ZNF276: variants seen among roughly 807,000 people sequenced by gnomAD.
The protein encoded by ZNF276 is zinc finger protein 276, also known as centromere protein Z.
In ZNF276, 59 loss-of-function variants were observed where a neutral mutation model predicts 63.9. The ratio of observed to expected loss-of-function variants is 0.92; its 90% CI spans 0.75 to 1.15. ZNF276 has a LOEUF of 1.15. Among genes scored for constraint, ZNF276 ranks in the 50% most tolerant of loss-of-function variants. ZNF276 has a pLI of 0.00. For synonymous variants in ZNF276, 496 were observed against 348.4 expected (o/e 1.42, Z -4.72); for missense variants, 1,084 against 843.8 (o/e 1.28, Z -3.53).
chr16:89,732,777 C>A, intron 6 of ZNF276: 1 of 218,658 alleles, frequency 4.6e-6, no homozygotes, highest in Non-Finnish European at 9.5e-6. Context: ...TGTGTTCACC[C>A]TGACCCTGCT....
rs771288582 is a variant in ZNF276 at position 89,723,648 on chromosome 16, C to G, written c.945C>G (p.Asp315Glu). Reference protein sequence around the residue: ...TDVAQPPSDSDAVGPRSGFPP... With the variant: ...TDVAQPPSDSEAVGPRSGFPP... ...TGGCCCAGCCTCCTTCGGACAGCGA[C>G]GCGGTGGGGCCCAGGTCGGGCTTCC... Residue 315 changes from aspartate (D) to glutamate (E), a missense_variant, in exon 4 of 11, where the codon GAC (aspartate) becomes GAG (glutamate). Physicochemically the swap from Asp to Glu is conservative, Grantham distance 45 (BLOSUM62 2). Transcript: ENST00000443381. The G allele has an allele frequency of 2.5e-6, 4 of 1,612,492 alleles. No homozygotes were observed. The highest frequency in any genetic ancestry group is 2.7e-5 in the African/African-American group (2 of 74,952).
chr16:89,721,609 C>A lies in ZNF276; in HGVS notation c.-32C>A. On this transcript the variant is annotated 5_prime_UTR_variant, in exon 1 of 11. Transcript: ENST00000443381. ...TCTAGGAACCTCGGGCCGGGCAGCACCCGCGGGATTCTGCTGGCGTCCTCC... is the reference window on the plus strand; with the variant it reads ...TCTAGGAACCTCGGGCCGGGCAGCAACCGCGGGATTCTGCTGGCGTCCTCC... 6.8e-7 allele frequency: 1 copy of A among 1,473,466 alleles called. No homozygotes were observed. The highest frequency in any genetic ancestry group is 8.9e-7 in the Non-Finnish European group (1 of 1,117,564). The allele number at this position is 1,473,466 out of a possible 1,614,324, so 91.3% of individuals were successfully genotyped here. A position where few individuals can be genotyped will look rare whatever the true frequency, so the allele number is the denominator to read the frequency against.
chr16:89,735,516 T>C (rs1055653019), intron 9 of ZNF276, among the ~76,000 whole-genome samples: 1 of 151,802 alleles, frequency 6.6e-6, no homozygotes, highest in Non-Finnish European at 1.5e-5. Context: ...CTTCCTTGGG[T>C]TTGGTCCTTC....
rs1379646258 is a variant in ZNF276, at chr16:89,722,786, T to G, written c.461T>G (p.Leu154Arg). The change falls in exon 2 of 11, where the codon CTG (leucine) becomes CGG (arginine). Residue 154 changes from leucine (L) to arginine (R), a missense_variant. Coordinates refer to ENST00000443381, the MANE Select transcript of ZNF276 (RefSeq NM_001113525.2). ...TGCCACAGCCTTCTCAAGTCCTTCC[T>G]GCAGAGGGTCAACGCCTCCCCGGCT... The part of the protein sequence containing the change: ...YQCHSLLKSF[L>R]QRVNASPAGR... The G allele has an allele frequency of 1.9e-6, 3 of 1,608,426 alleles. No homozygotes were observed. In the African/African-American group the frequency reaches 4.0e-5, roughly 21 times the overall value.
Position 89,733,973 on chromosome 16 carries a change from C to G in ZNF276, c.1409C>G (p.Pro470Arg). The G allele has an allele frequency of 6.2e-7, 1 of 1,614,084 alleles. No homozygotes were observed. The highest frequency in any genetic ancestry group is 8.5e-7 in the Non-Finnish European group (1 of 1,180,022). The change falls in exon 9 of 11, where the codon CCT becomes CGT. Residue 470 changes from proline (P) to arginine (R), a missense_variant. Pro to Arg is a moderately radical substitution (Grantham distance 103). Coordinates refer to ENST00000443381, the MANE Select transcript of ZNF276 (RefSeq NM_001113525.2). ...EEVRERPCPH[P>R]GCNKVFMIDR... is the part of the protein sequence containing the mutation. Reference sequence around the variant, plus strand: ...GTCCGGGAGCGGCCCTGCCCCCACCCTGGCTGCAACAAGGTTTTCATGATC... The same window carrying G: ...GTCCGGGAGCGGCCCTGCCCCCACCGTGGCTGCAACAAGGTTTTCATGATC...
intron 8 of ZNF276, 51 bp downstream of exon 8, chr16:89,733,608 T>G: frequency 6.3e-7 from 1 of 1,597,802 alleles, no homozygotes; most frequent in Non-Finnish European, 8.6e-7. Flanking sequence ...AGTGTGAACC[T>G]GGGGGAGGTA....
chr16:89,738,620 T>C lies in ZNF276; in HGVS notation c.*374T>C, dbSNP rs757549007. 2 of 1,613,590 alleles carry C rather than the reference T, an allele frequency of 1.2e-6. No homozygotes were observed. The highest frequency in any genetic ancestry group is 2.2e-5 in the South Asian group (2 of 91,062). ...GTCCCGTCAGAAGAGATGAGGCTCC[T>C]GGGACAGGTCAGCGTCAGGGGCAGC... On this transcript the variant is annotated 3_prime_UTR_variant, in exon 11 of 11. Transcript: ENST00000443381.
chr16:89,733,652 C>T, intron 8 of ZNF276, 95 bp downstream of exon 8: 2 of 1,405,898 alleles, frequency 1.4e-6, no homozygotes, highest in Non-Finnish European at 2.0e-6. Context: ...CAGACTTGCG[C>T]CCAAGGACAC....
chr16:89,726,586 C>G (rs1368768970), intron 4 of ZNF276, among the ~76,000 whole-genome samples: 3 of 152,154 alleles, frequency 2.0e-5, no homozygotes, highest in African/African-American at 7.2e-5. Flanking sequence ...CCGCGTCAGC[C>G]TCCCAAAGTG....
At chr16:89,736,187 G>C (rs1038117016) in intron 9 of ZNF276, among the ~76,000 whole-genome samples, 1 of 152,098 alleles carries the variant, frequency 6.6e-6, no homozygotes, top group Non-Finnish European at 1.5e-5. Flanking sequence ...CATGACGCCT[G>C]GGTAATTTTT....
At chr16:89,725,048 G>C (rs867564413) in intron 4 of ZNF276, among the ~76,000 whole-genome samples, 1 of 152,304 alleles carries the variant, frequency 6.6e-6, no homozygotes, top group African/African-American at 2.4e-5. Flanking sequence ...CGAGTAGCTG[G>C]GATGACAGGC....
Position 89,728,689 on chromosome 16 carries a change from A to G in ZNF276, c.1086-546A>G, listed in dbSNP as rs564652180. 5.3e-5 allele frequency among the ~76,000 whole-genome samples: 8 copies of G among 151,924 alleles called. No homozygotes were observed. The East Asian group carries it at 1.4e-3, about 26-fold the overall frequency. ...AGTGCTGGGATTACAGGTGTTAGCC[A>G]CCGCACCCGGCCAATTTTTGTATTT... On this transcript the variant is annotated intron_variant, in intron 5 of 10. Transcript: ENST00000443381.
At position 89,740,407 on chromosome 16, in the gene ZNF276, A is replaced by C. The variant is rs989545469; in HGVS notation, c.*2161A>C. ...GTAATCCCAACACTTTGGGAGGCCG[A>C]GGTCGGCGGATCACTGAGGCCAGTT... On this transcript the variant is annotated 3_prime_UTR_variant, in exon 11 of 11. Coordinates refer to ENST00000443381, the MANE Select transcript of ZNF276 (RefSeq NM_001113525.2). The C allele has an allele frequency of 8.4e-5, 40 of 473,472 alleles. 1 individual carries two copies. The East Asian group carries it at 1.5e-3, about 18-fold the overall frequency. The allele number at this position is 473,472 out of a possible 1,614,324, so 29.3% of individuals were successfully genotyped here. A position where few individuals can be genotyped will look rare whatever the true frequency, so the allele number is the denominator to read the frequency against.
chr16:89,727,134 G>T, intron 4 of ZNF276, 145 bp from the exon 5 acceptor site: 1 of 813,872 alleles, frequency 1.2e-6, no homozygotes, highest in East Asian at 2.5e-5. Context: ...CACCCTTGGT[G>T]GGGATGGGGC....
Position 89,722,545 on chromosome 16 carries a change from C to G in ZNF276, c.220C>G (p.Leu74Val), listed in dbSNP as rs374848229. The G allele has an allele frequency of 2.2e-5, 35 of 1,611,518 alleles. No individual in the cohort carries two copies. Among genetic ancestry groups the G allele is most frequent in the African/African-American group, 4.0e-5 (3 of 74,926 alleles). Residue 74 changes from leucine to valine, a missense_variant, in exon 2 of 11, where the codon CTC (leucine) becomes GTC (valine). Leu to Val is a conservative substitution (Grantham distance 32). Transcript: ENST00000443381. Reference protein sequence around the residue: ...GADEAGAGRALAMGHCRLCHG... With the variant: ...GADEAGAGRAVAMGHCRLCHG... ...GCTCTGTGCAGGAGCAGGCCGGGCT[C>G]TCGCCATGGGTCACTGTCGCCTCTG... is the stretch of plus-strand genomic sequence containing the variant.
rs1304085823 is a variant in ZNF276, at chr16:89,739,841, TA to T, written c.*1598del. On this transcript the variant is annotated 3_prime_UTR_variant, in exon 11 of 11. Coordinates refer to ENST00000443381, the MANE Select transcript of ZNF276 (RefSeq NM_001113525.2). ...GAGCCAGTAAATTATCTTATTGCTT[TA>T]AACAAGTTTGTGCTTAATCTGTCCC... is the stretch of plus-strand genomic sequence containing the variant. 4.0e-6 allele frequency: 6 copies of T among 1,500,190 alleles called. No individual in the cohort carries two copies. In the African/African-American group the frequency reaches 5.5e-5, roughly 14 times the overall value. The allele number at this position is 1,500,190 out of a possible 1,614,324, so 92.9% of individuals were successfully genotyped here.
rs117999566 is a variant in ZNF276 at position 89,729,715 on chromosome 16, C to T, written c.1169+397C>T. Among the ~76,000 whole-genome samples, 26 of 152,292 alleles carry T rather than the reference C, an allele frequency of 1.7e-4. No homozygotes were observed. The East Asian group carries it at 4.6e-3, about 27-fold the overall frequency. On this transcript the variant is annotated intron_variant, in intron 6 of 10. Coordinates refer to ENST00000443381, the MANE Select transcript of ZNF276 (RefSeq NM_001113525.2). ...CAACCCGTCGCTTCTGCTTTGTGTG[C>T]GTCCCCAGAGGCCCGAGGACCCAGC...
rs191969273 is a variant in ZNF276, at chr16:89,727,504, T to C, written c.1085+147T>C. On this transcript the variant is annotated intron_variant, in intron 5 of 10. Coordinates refer to ENST00000443381, the MANE Select transcript of ZNF276 (RefSeq NM_001113525.2). ...CAGCCATCGTAGGGTCGGCTGCCCA[T>C]GCGCTGGTACCAAACTAAGCCATCA... The C allele has an allele frequency of 3.9e-5, 35 of 895,438 alleles. No individual in the cohort carries two copies. In the Admixed American group the frequency reaches 6.1e-4, roughly 16 times the overall value. 55.5% of individuals were successfully genotyped at this position (895,438 alleles called of 1,614,324 possible).
At position 89,738,348 on chromosome 16, in the gene ZNF276, G is replaced by GCCCGC. The variant is rs1337067720; in HGVS notation, c.*105_*109dup. 22 of 1,479,750 alleles carry GCCCGC rather than the reference G, an allele frequency of 1.5e-5. No homozygotes were observed. Among genetic ancestry groups the GCCCGC allele is most frequent in the Non-Finnish European group, 1.7e-5 (19 of 1,111,608 alleles). The allele number at this position is 1,479,750 out of a possible 1,614,324, so 91.7% of individuals were successfully genotyped here. A position where few individuals can be genotyped will look rare whatever the true frequency, so the allele number is the denominator to read the frequency against. ...CCGCATGGGAGGGTCGGAGGGTGCT[G>GCCCGC]CCCGCCCTTGGTGCTGGAGGCGGGC... is the stretch of plus-strand genomic sequence containing the variant. On this transcript the variant is annotated 3_prime_UTR_variant, in exon 11 of 11. Transcript: ENST00000443381.
Sources: allele counts gnomAD v4.1 joint callset (sites outside exome capture counted in the v4.1 genomes callset), GRCh38; gene constraint gnomAD v4.1.1; transcripts MANE v1.5; gene names NCBI Gene and HGNC (gene_info 2026-07-23, HGNC 2026-07-21).